VRK2: variants seen among roughly 807,000 people sequenced by gnomAD.
VRK2 encodes the protein VRK serine/threonine kinase 2.
In VRK2, 60 loss-of-function variants were observed where a neutral mutation model predicts 57.6. The observed-to-expected ratio is 1.04, with a 90% confidence interval of 0.85 to 1.29. The LOEUF (loss-of-function observed/expected upper bound fraction) is 1.29, where lower values mean the gene tolerates loss of function less well. Among genes scored for constraint, VRK2 ranks in the 50% most tolerant of loss-of-function variants. VRK2 has a pLI of 0.00. For missense variants in VRK2, 705 were observed against 588.1 expected, an observed-to-expected ratio of 1.20 and a Z score of -2.06; for synonymous variants, 231 against 199.2, an observed-to-expected ratio of 1.16 and a Z score of -1.35.
intron 11 of VRK2, among the ~76,000 whole-genome samples, chr2:58,141,091 TTTTGATC>T (rs1210216940): frequency 6.6e-6 from 1 of 152,062 alleles, no homozygotes; most frequent in Non-Finnish European, 1.5e-5. Context: ...AGCCACTGGA[TTTTGATC>T]TTGGTAATTA....
chr2:57,945,814 C>T (rs1356384585), intron 1 of VRK2, among the ~76,000 whole-genome samples: 4 of 152,054 alleles, frequency 2.6e-5, no homozygotes, highest in African/African-American at 9.7e-5. Context: ...AAAGACCTAT[C>T]AGTGCAACAA....
At chr2:58,001,186 A>C (rs1049302937) in intron 1 of VRK2, among the ~76,000 whole-genome samples, 3 of 152,222 alleles carry the variant, frequency 2.0e-5, no homozygotes, top group African/African-American at 7.2e-5. Flanking sequence ...CATACATTTC[A>C]TACTTTTTTC....
At chr2:58,029,719 A>G (rs948206165) in intron 2 of VRK2, among the ~76,000 whole-genome samples, 8 of 152,100 alleles carry the variant, frequency 5.3e-5, no homozygotes, top group Non-Finnish European at 1.2e-4. Flanking sequence ...TTTATATCAG[A>G]ATGTCTTTGC....
chr2:58,148,008 A>T (rs148207573), intron 12 of VRK2, among the ~76,000 whole-genome samples: 29 of 151,946 alleles, frequency 1.9e-4, no homozygotes, highest in African/African-American at 6.3e-4. Context: ...GTTGCTACAA[A>T]CATTCTGGCA....
At chr2:58,099,305 T>A (rs1313762950) in intron 7 of VRK2, among the ~76,000 whole-genome samples, 1 of 152,090 alleles carries the variant, frequency 6.6e-6, no homozygotes, top group Non-Finnish European at 1.5e-5. Flanking sequence ...TCTTAATGAT[T>A]CTAGTCTATA....
intron 7 of VRK2, among the ~76,000 whole-genome samples, chr2:58,102,878 C>G (rs1159426164): frequency 1.3e-5 from 2 of 151,658 alleles, no homozygotes; most frequent in Non-Finnish European, 3.0e-5. Flanking sequence ...AAAATCATAT[C>G]AAGTGTCATG....
intron 2 of VRK2, among the ~76,000 whole-genome samples, chr2:58,030,300 T>C (rs146149954): frequency 3.3e-5 from 5 of 152,266 alleles, no homozygotes; most frequent in African/African-American, 1.2e-4. Context: ...AGGTGTTTCA[T>C]TTATTCATCT....
At chr2:58,127,895 T>C (rs1471802862) in intron 8 of VRK2, among the ~76,000 whole-genome samples, 2 of 152,208 alleles carry the variant, frequency 1.3e-5, no homozygotes, top group Admixed American at 1.3e-4. Context: ...TTGGAATTAA[T>C]ACTTAGACTT....
At chr2:58,136,285 C>A (rs1474967445) in intron 10 of VRK2, among the ~76,000 whole-genome samples, 2 of 152,090 alleles carry the variant, frequency 1.3e-5, no homozygotes, top group East Asian at 3.9e-4. Context: ...CAGGAGAGAT[C>A]CTCATTGTGG....
At chr2:58,042,777 C>G (rs577687860), upstream of VRK2, among the ~76,000 whole-genome samples, 351 of 152,254 alleles carry the variant, frequency 2.3e-3, 1 homozygote, top group Middle Eastern at 3.4e-3. Context: ...TAAGATCTAT[C>G]AAAATAGCTT....
intron 8 of VRK2, among the ~76,000 whole-genome samples, chr2:58,125,964 C>T (rs1678281688): frequency 6.6e-6 from 1 of 151,880 alleles, no homozygotes; most frequent in South Asian, 2.1e-4. Flanking sequence ...ATCATTTAGC[C>T]ATATCTAGAA....
chr2:58,041,557 A>G (rs1674456422), intron 3 of VRK2, among the ~76,000 whole-genome samples: 1 of 152,010 alleles, frequency 6.6e-6, no homozygotes, highest in African/African-American at 2.4e-5. Flanking sequence ...CCAGGCCCTG[A>G]AAAAAAATGA....
At chr2:57,911,158 A>G (rs909648734) in intron 1 of VRK2, among the ~76,000 whole-genome samples, 3 of 151,960 alleles carry the variant, frequency 2.0e-5, no homozygotes, top group African/African-American at 7.3e-5. Context: ...TACTCTCACC[A>G]GTTACTTCAT....
chr2:57,963,479 A>G (rs1671822004), intron 1 of VRK2, among the ~76,000 whole-genome samples: 1 of 152,262 alleles, frequency 6.6e-6, no homozygotes, highest in Non-Finnish European at 1.5e-5. Flanking sequence ...TATAATACGC[A>G]AAGGAAGATA....
intron 1 of VRK2, 22 bp from the exon 2 acceptor site, chr2:58,048,805 A>G: frequency 6.2e-7 from 1 of 1,611,138 alleles, no homozygotes; most frequent in South Asian, 1.1e-5. Flanking sequence ...TTACCCATTT[A>G]TCTCACCCCT....
chr2:57,982,688 G>A (rs1333146450), intron 1 of VRK2, among the ~76,000 whole-genome samples: 1 of 152,198 alleles, frequency 6.6e-6, no homozygotes, highest in Non-Finnish European at 1.5e-5. Flanking sequence ...GGGGCTGGCA[G>A]ATGTGGAGAA....
chr2:58,073,986 C>A (rs1669720947), intron 2 of VRK2, among the ~76,000 whole-genome samples: 2 of 152,080 alleles, frequency 1.3e-5, no homozygotes, highest in Non-Finnish European at 2.9e-5. Context: ...AAATGCTAAT[C>A]TCCTTTGGCA....
chr2:58,074,464 T>G (rs895098529), intron 2 of VRK2, among the ~76,000 whole-genome samples: 1 of 152,086 alleles, frequency 6.6e-6, no homozygotes, highest in African/African-American at 2.4e-5. Flanking sequence ...TCTTTAGAAA[T>G]TTTTAGTGGT....
chr2:58,006,451 T>C (rs950201691), intron 1 of VRK2, among the ~76,000 whole-genome samples: 2 of 152,176 alleles, frequency 1.3e-5, no homozygotes, highest in Non-Finnish European at 2.9e-5. Flanking sequence ...TTAAGATCCA[T>C]TCACTTATAT....
Sources: allele counts gnomAD v4.1 joint callset (sites outside exome capture counted in the v4.1 genomes callset), GRCh38; gene constraint gnomAD v4.1.1; transcripts MANE v1.5; gene names NCBI Gene and HGNC (gene_info 2026-07-23, HGNC 2026-07-21).